The following PAK2 variants were observed in gnomAD, a reference collection of about 807,000 sequenced individuals.
PAK2 encodes serine/threonine-protein kinase PAK 2.
A neutral mutation model predicts 65.9 loss-of-function variants in PAK2; 21 were observed. The ratio of observed to expected loss-of-function variants is 0.32; its 90% CI spans 0.23 to 0.46. The LOEUF is 0.46. Among genes scored for constraint, PAK2 ranks in the 20% least tolerant of loss-of-function variants. The pLI is 1.00. For synonymous variants in PAK2, 204 were observed against 219.7 expected (o/e 0.93, Z 0.63); for missense variants, 324 against 642.6 (o/e 0.50, Z 5.36).
At position 196,782,760 on chromosome 3, in the gene PAK2, A is replaced by G. The variant is rs1394316389; in HGVS notation, c.114A>G (p.Lys38=). ...CTTTGTCAGCCAATCACAGTTTGAAACCTTTGCCCTCTGTTCCAGAAGAGA... is the reference window on the plus strand; with the variant it reads ...CTTTGTCAGCCAATCACAGTTTGAAGCCTTTGCCCTCTGTTCCAGAAGAGA... The part of the protein sequence containing the change: ...KDPLSANHSL[K]PLPSVPEEKK... The change falls in exon 2 of 15, where the codon AAA becomes AAG. Residue 38 remains lysine (K), a synonymous_variant. Transcript: ENST00000327134. 1.2e-6 allele frequency: 2 copies of G among 1,613,528 alleles called. No individual in the cohort carries two copies. Among genetic ancestry groups the G allele is most frequent in the African/African-American group, 2.7e-5 (2 of 74,896 alleles).
chr3:196,756,210 C>T (rs1336873438), intron 1 of PAK2, among the ~76,000 whole-genome samples: 3 of 151,996 alleles, frequency 2.0e-5, no homozygotes, highest in African/African-American at 7.3e-5. Flanking sequence ...TGAGTGAAAG[C>T]CAAGGGGAAG....
At chr3:196,804,828 C>T (rs201835737) in intron 4 of PAK2, among the ~76,000 whole-genome samples, 100 of 147,618 alleles carry the variant, frequency 6.8e-4, no homozygotes, top group African/African-American at 2.2e-3. Context: ...TATATATACA[C>T]ATATATATAT....
intron 1 of PAK2, among the ~76,000 whole-genome samples, chr3:196,761,007 C>T (rs1308063562): frequency 3.3e-5 from 5 of 152,072 alleles, no homozygotes; most frequent in Admixed American, 6.5e-5. Context: ...GAGGCTGAGG[C>T]GGATGGAGAT....
chr3:196,749,332 C>T (rs530360841), intron 1 of PAK2, among the ~76,000 whole-genome samples: 33 of 151,878 alleles, frequency 2.2e-4, no homozygotes, highest in Non-Finnish European at 3.1e-4. Context: ...TATTGCTTTC[C>T]ACAGCGCCTG....
At chr3:196,801,305 G>C (rs1715415446) in intron 2 of PAK2, among the ~76,000 whole-genome samples, 1 of 152,134 alleles carries the variant, frequency 6.6e-6, no homozygotes, top group South Asian at 2.1e-4. Context: ...TTGTGAGAGA[G>C]CTGGTGCCCG....
chr3:196,806,026 C>A (rs1005452630), intron 5 of PAK2, among the ~76,000 whole-genome samples: 2 of 151,948 alleles, frequency 1.3e-5, no homozygotes, highest in Non-Finnish European at 2.9e-5. Context: ...ATTCTCCTGC[C>A]TCAGCCTCCC....
intron 1 of PAK2, among the ~76,000 whole-genome samples, chr3:196,757,164 A>G (rs1713796410): frequency 6.6e-6 from 1 of 152,194 alleles, no homozygotes; most frequent in Non-Finnish European, 1.5e-5. Context: ...ACGGTTAGGA[A>G]CAGGTAACTC....
intron 1 of PAK2, among the ~76,000 whole-genome samples, chr3:196,759,489 GTTTTTTTTGTTTTTTTTTTTTTTT>G (rs1452258188): frequency 2.9e-4 from 29 of 98,876 alleles, no homozygotes; most frequent in African/African-American, 1.0e-3. Context: ...CAGTTAAGTG[GTTTTTTTTGTTTTTTTTTTTTTTT>G]TTTTTTTTTT....
intron 1 of PAK2, among the ~76,000 whole-genome samples, chr3:196,773,583 AAAC>A (rs1354154803): frequency 1.3e-5 from 2 of 152,180 alleles, no homozygotes; most frequent in African/African-American, 4.8e-5. Context: ...TTGATTAAGA[AAAC>A]AAGTTCAGGC....
At position 196,812,215 on chromosome 3, in the gene PAK2, C is replaced by A. The variant is rs1417728874; in HGVS notation, c.774-4C>A. 1.3e-6 allele frequency: 2 copies of A among 1,563,182 alleles called. No homozygotes were observed. Among genetic ancestry groups the A allele is most frequent in the Non-Finnish European group, 1.8e-6 (2 of 1,134,034 alleles). Reference sequence around the variant, plus strand: ...AAATCTGGTTGTGTGTTTTCTCCCTCTAGGGCTTCTGGTACAGTTTTCACT... The same window carrying A: ...AAATCTGGTTGTGTGTTTTCTCCCTATAGGGCTTCTGGTACAGTTTTCACT... On this transcript the variant is annotated splice_polypyrimidine_tract_variant and splice_region_variant and intron_variant, in intron 8 of 14. Transcript: ENST00000327134.
chr3:196,782,573 C>A (rs1317070969), intron 1 of PAK2, 53 bp from the exon 2 acceptor site: 1 of 814,164 alleles, frequency 1.2e-6, no homozygotes, highest in Non-Finnish European at 1.9e-6. Context: ...CTGTTTTTTG[C>A]TTGTTCGTGC....
intron 13 of PAK2, among the ~76,000 whole-genome samples, chr3:196,826,591 T>G (rs1711884743): frequency 6.6e-6 from 1 of 152,074 alleles, no homozygotes; most frequent in South Asian, 2.1e-4. Flanking sequence ...ATGGTGAGGT[T>G]GTGGTTATTT....
chr3:196,816,998 C>A (rs927535339), intron 11 of PAK2, among the ~76,000 whole-genome samples: 1 of 152,006 alleles, frequency 6.6e-6, no homozygotes, highest in East Asian at 1.9e-4. Context: ...AGAATCTTAC[C>A]CGCTTCTCAG....
At chr3:196,765,369 C>G (rs891800902) in intron 1 of PAK2, among the ~76,000 whole-genome samples, 1 of 151,896 alleles carries the variant, frequency 6.6e-6, no homozygotes, top group Non-Finnish European at 1.5e-5. Flanking sequence ...AGGCTGGGCT[C>G]GAACTCCTGG....
intron 1 of PAK2, among the ~76,000 whole-genome samples, chr3:196,768,832 A>AT (rs1227986831): frequency 1.3e-5 from 2 of 151,532 alleles, no homozygotes; most frequent in African/African-American, 2.4e-5. Flanking sequence ...TGCCCAGCTA[A>AT]TTTTTGTATT....
At chr3:196,806,860 G>A (rs1010445343) in intron 6 of PAK2, among the ~76,000 whole-genome samples, 174 bp downstream of exon 6, 4 of 152,132 alleles carry the variant, frequency 2.6e-5, no homozygotes, top group Admixed American at 1.3e-4. Flanking sequence ...CCTAAAACTA[G>A]TTTTCTGAAG....
intron 1 of PAK2, among the ~76,000 whole-genome samples, chr3:196,780,486 G>A (rs567600951): frequency 3.0e-4 from 45 of 152,270 alleles, no homozygotes; most frequent in African/African-American, 1.0e-3. Context: ...CAGATCACGT[G>A]AGATGTACTC....
chr3:196,798,216 CAG>C (rs982052928), intron 2 of PAK2, among the ~76,000 whole-genome samples: 36 of 152,252 alleles, frequency 2.4e-4, no homozygotes, highest in Admixed American at 7.8e-4. Context: ...GCCAGACTGA[CAG>C]GGGGCAGTGG....
intron 1 of PAK2, among the ~76,000 whole-genome samples, chr3:196,755,660 G>C (rs780743129): frequency 1.3e-5 from 2 of 152,014 alleles, no homozygotes; most frequent in African/African-American, 4.8e-5. Flanking sequence ...GTTTCTCCAC[G>C]TTGGTCAGGC....
Sources: allele counts gnomAD v4.1 joint callset (sites outside exome capture counted in the v4.1 genomes callset), GRCh38; gene constraint gnomAD v4.1.1; transcripts MANE v1.5; gene names NCBI Gene and HGNC (gene_info 2026-07-23, HGNC 2026-07-21).